DPP6: variants seen among roughly 807,000 people sequenced by gnomAD.
The protein encoded by DPP6 is A-type potassium channel modulatory protein DPP6.
In DPP6, 69 loss-of-function variants were observed where a neutral mutation model predicts 122.6. That is an observed-to-expected ratio of 0.56 (90% confidence interval 0.46 to 0.69). The LOEUF is 0.69. DPP6 is among the 30% of genes least tolerant of loss of function. DPP6 has a pLI of 0.00. For missense variants in DPP6, 928 were observed against 1,116.9 expected, an observed-to-expected ratio of 0.83 and a Z score of 2.41; for synonymous variants, 418 against 433.1, an observed-to-expected ratio of 0.97 and a Z score of 0.43.
intron 7 of DPP6, among the ~76,000 whole-genome samples, chr7:154,715,954 A>G (rs1409541567): frequency 2.0e-5 from 3 of 151,896 alleles, no homozygotes; most frequent in Non-Finnish European, 4.4e-5. Context: ...ATTCTTAGTA[A>G]CCCGTACATT....
At chr7:154,382,133 T>A (rs1044955768) in intron 1 of DPP6, among the ~76,000 whole-genome samples, 1 of 147,316 alleles carries the variant, frequency 6.8e-6, no homozygotes, top group Non-Finnish European at 1.5e-5. Flanking sequence ...AAATTTGAAG[T>A]GAGCCGCAGA....
At chr7:154,744,484 G>A (rs1842951109) in intron 8 of DPP6, among the ~76,000 whole-genome samples, 1 of 152,224 alleles carries the variant, frequency 6.6e-6, no homozygotes, top group Non-Finnish European at 1.5e-5. Context: ...TTGATTTGTG[G>A]GAATTTGCAG....
intron 1 of DPP6, among the ~76,000 whole-genome samples, chr7:154,030,731 C>T (rs1036727387): frequency 1.3e-5 from 2 of 152,218 alleles, no homozygotes; most frequent in East Asian, 1.9e-4. Flanking sequence ...GGAGATTCAG[C>T]GTCTGGACTT....
At chr7:153,849,847 A>G in the DPP6 span, among the ~76,000 whole-genome samples, 1 of 152,142 alleles carries the variant, frequency 6.6e-6, no homozygotes. Flanking sequence ...TTCTTTACAA[A>G]CATTTTCATT....
intron 8 of DPP6, among the ~76,000 whole-genome samples, chr7:154,739,856 C>T (rs112327743): frequency 6.6e-6 from 1 of 152,186 alleles, no homozygotes; most frequent in African/African-American, 2.4e-5. Flanking sequence ...ACAGTGGGGG[C>T]GGCTTCAGCG....
At chr7:154,655,745 C>T (rs73165069) in intron 6 of DPP6, among the ~76,000 whole-genome samples, 5,364 of 152,290 alleles carry the variant, frequency 0.035, 155 homozygotes, top group African/African-American at 0.07. Context: ...GGACTTCTCC[C>T]GCAGGAAGCC....
At chr7:154,673,398 A>G (rs1170878206) in intron 7 of DPP6, among the ~76,000 whole-genome samples, 2 of 152,176 alleles carry the variant, frequency 1.3e-5, no homozygotes, top group Non-Finnish European at 2.9e-5. Context: ...GGGTGAGGGC[A>G]TCTTTTCCCA....
chr7:154,489,255 C>G (rs1023115246), intron 3 of DPP6, among the ~76,000 whole-genome samples: 1 of 152,164 alleles, frequency 6.6e-6, no homozygotes, highest in Non-Finnish European at 1.5e-5. Context: ...TCAGGGATAT[C>G]GAAGTGAATC....
chr7:153,800,349 C>T, the DPP6 span, among the ~76,000 whole-genome samples: 80 of 152,070 alleles, frequency 5.3e-4, no homozygotes, highest in Non-Finnish European at 1.2e-4. Context: ...TATGGTCTCA[C>T]TCATATTTAA....
the DPP6 span, among the ~76,000 whole-genome samples, chr7:153,766,689 A>G: frequency 7.9e-5 from 12 of 152,212 alleles, no homozygotes; most frequent in Non-Finnish European, 1.8e-4. Context: ...TAATATTCAC[A>G]CATGCTGAGT....
chr7:153,977,670 C>T (rs1417051160), intron 1 of DPP6, among the ~76,000 whole-genome samples: 1 of 152,142 alleles, frequency 6.6e-6, no homozygotes, highest in East Asian at 1.9e-4. Context: ...AACCCGTCAT[C>T]TACATTAGGT....
chr7:154,321,283 A>T (rs1428540296), intron 1 of DPP6, among the ~76,000 whole-genome samples: 1 of 151,844 alleles, frequency 6.6e-6, no homozygotes, highest in Admixed American at 6.6e-5. Context: ...TCTTTAAAAA[A>T]AAAAAAAGAA....
chr7:154,418,467 T>G (rs1018363826), intron 1 of DPP6, among the ~76,000 whole-genome samples: 1 of 152,218 alleles, frequency 6.6e-6, no homozygotes, highest in Admixed American at 6.5e-5. Flanking sequence ...TCTTGAGTGT[T>G]TTTTCTTAGA....
chr7:153,999,077 C>T (rs554564010), intron 1 of DPP6, among the ~76,000 whole-genome samples: 1 of 152,350 alleles, frequency 6.6e-6, no homozygotes, highest in Admixed American at 6.5e-5. Context: ...TCAGCTATGG[C>T]AGGGTTCCAA....
chr7:154,307,863 TC>T (rs1806492989), intron 1 of DPP6, among the ~76,000 whole-genome samples: 1 of 149,538 alleles, frequency 6.7e-6, no homozygotes, highest in Non-Finnish European at 1.5e-5. Flanking sequence ...GGAATATGTT[TC>T]TTTTTTTTTT....
chr7:154,362,955 G>T (rs1811858730), intron 1 of DPP6, among the ~76,000 whole-genome samples: 1 of 152,232 alleles, frequency 6.6e-6, no homozygotes, highest in Non-Finnish European at 1.5e-5. Context: ...GGTCTCAGAT[G>T]GTTCCCGTGC....
Position 153,982,641 on chromosome 7 carries a change from T to A in DPP6, c.51+94907T>A, listed in dbSNP as rs574248335. ...AGAGGAATTCCGGTTTTTGGAATTT[T>A]CAGCCTTTTCGCGCTGGTTTTTCCT... On this transcript the variant is annotated intron_variant, in intron 1 of 25. Coordinates refer to the DPP6 transcript ENST00000404039. 2.2e-3 allele frequency among the ~76,000 whole-genome samples: 333 copies of A among 152,278 alleles called. 1 individual carries two copies. Among genetic ancestry groups the A allele is most frequent in the African/African-American group, 7.2e-3 (301 of 41,576 alleles).
chr7:154,585,339 C>T (rs760056833), intron 5 of DPP6, among the ~76,000 whole-genome samples: 6 of 152,222 alleles, frequency 3.9e-5, no homozygotes, highest in Non-Finnish European at 8.8e-5. Context: ...TGAGTTCTTA[C>T]CCTCAATGTC....
At chr7:153,841,338 A>G in the DPP6 span, among the ~76,000 whole-genome samples, 1 of 152,286 alleles carries the variant, frequency 6.6e-6, no homozygotes, top group South Asian at 2.1e-4. Context: ...GGAAAGTCTC[A>G]CCTCACATGT....
Sources: allele counts gnomAD v4.1 joint callset (sites outside exome capture counted in the v4.1 genomes callset), GRCh38; gene constraint gnomAD v4.1.1; transcripts MANE v1.5; gene names NCBI Gene and HGNC (gene_info 2026-07-23, HGNC 2026-07-21).